CCDC57: variants seen among roughly 807,000 people sequenced by gnomAD.
The protein encoded by CCDC57 is coiled-coil domain-containing protein 57.
Under a neutral mutation model 118.9 loss-of-function variants are expected in CCDC57, and 118 were observed. The ratio of observed to expected loss-of-function variants is 0.99; its 90% CI spans 0.86 to 1.16. The LOEUF (loss-of-function observed/expected upper bound fraction) is 1.16. Among genes scored for constraint, CCDC57 ranks in the 50% most tolerant of loss-of-function variants. The pLI, the probability that CCDC57 is intolerant of heterozygous loss-of-function variation, is 0.00. For synonymous variants in CCDC57, 527 were observed against 532.9 expected (o/e 0.99, Z 0.15); for missense variants, 1,300 against 1,320.7 (o/e 0.98, Z 0.24).
intron 3 of CCDC57, among the ~76,000 whole-genome samples, chr17:82,199,675 C>T (rs1417694012): frequency 2.0e-5 from 3 of 152,178 alleles, no homozygotes; most frequent in East Asian, 3.9e-4. Context: ...AAGTGGGCCT[C>T]AGCTGTCCAA....
chr17:82,111,334 C>CTCG (rs2035226479), intron 19 of CCDC57, among the ~76,000 whole-genome samples: 1 of 36 alleles, frequency 0.028, no homozygotes, highest in Non-Finnish European at 0.071. Context: ...ATCTCCTGAC[C>CTCG]CTCGTGATCC....
chr17:82,151,602 C>T (rs150950429), exon 16 of CCDC57: 32 of 1,550,376 alleles, frequency 2.1e-5, no homozygotes, highest in East Asian at 4.9e-5. Context: ...TTCCCCATCT[C>T]GATGAGCTGC....
chr17:82,190,592 G>C (rs2047545898), intron 7 of CCDC57, among the ~76,000 whole-genome samples: 1 of 151,730 alleles, frequency 6.6e-6, no homozygotes, highest in African/African-American at 2.4e-5. Context: ...CTACTTGGGA[G>C]GCTGAGGCAT....
At chr17:82,153,579 T>TGAACGATTCTACTTCTCTC (rs1173955291) in intron 15 of CCDC57, 1 of 152,086 alleles carries the variant, frequency 6.6e-6, no homozygotes, top group East Asian at 1.9e-4. Flanking sequence ...GGGCAGGGAG[T>TGAACGATTCTACTTCTCTC]GAACGATTCT....
At chr17:82,134,434 C>T (rs2038868926) in intron 16 of CCDC57, 3 of 363,970 alleles carry the variant, frequency 8.2e-6, no homozygotes, top group Admixed American at 4.7e-5. Flanking sequence ...GTCCTCACAG[C>T]GGGGGCAGCA....
intron 11 of CCDC57, among the ~76,000 whole-genome samples, chr17:82,174,306 A>G (rs1327307055): frequency 1.3e-5 from 2 of 152,232 alleles, no homozygotes; most frequent in African/African-American, 2.4e-5. Context: ...GGTGGAGAGG[A>G]TGCGAACAGA....
At chr17:82,158,010 T>C in intron 14 of CCDC57, 62 bp from the exon 14 acceptor site, 1 of 1,509,726 alleles carries the variant, frequency 6.6e-7, no homozygotes, top group African/African-American at 1.4e-5. Context: ...AGCAGGCCCC[T>C]GGGCACTGAC....
intron 19 of CCDC57, among the ~76,000 whole-genome samples, chr17:82,122,666 T>G (rs1224544343): frequency 1.3e-5 from 2 of 152,188 alleles, no homozygotes; most frequent in African/African-American, 2.4e-5. Flanking sequence ...GCTGGGCAAG[T>G]GCACAGCACT....
chr17:82,188,108 C>CT lies in CCDC57; in HGVS notation c.1052+110dup, dbSNP rs896186134. The stretch of plus-strand genomic sequence containing the variant: ...GTGACTGAGAGCTACAGAAGCCACT[C>CT]TGTCTGCTGCCTGGCCCCCTTTCCT... On this transcript the variant is annotated intron_variant, in intron 8 of 19. Coordinates refer to ENST00000665763, the Ensembl canonical transcript of CCDC57. 2.5e-5 allele frequency: 21 copies of CT among 845,706 alleles called. No individual in the cohort carries two copies. The African/African-American group carries it at 3.7e-4, about 15-fold the overall frequency. 52.4% of individuals were successfully genotyped at this position (845,706 alleles called of 1,614,324 possible).
intron 19 of CCDC57, among the ~76,000 whole-genome samples, chr17:82,102,972 A>G (rs2034568468): frequency 6.6e-6 from 1 of 151,966 alleles, no homozygotes; most frequent in Admixed American, 6.5e-5. Context: ...GGTGAGGTCT[A>G]GAGGACTCCA....
chr17:82,125,225 C>T (rs1423223936), intron 19 of CCDC57, among the ~76,000 whole-genome samples: 3 of 152,076 alleles, frequency 2.0e-5, no homozygotes, highest in Admixed American at 1.3e-4. Context: ...CAGACTCAGA[C>T]AAGCCAAGTC....
chr17:82,161,898 G>A (rs1457043823), intron 14 of CCDC57, among the ~76,000 whole-genome samples: 1 of 152,040 alleles, frequency 6.6e-6, no homozygotes, highest in Admixed American at 6.5e-5. Context: ...TAGTGAGAAT[G>A]TTTATACGAC....
At position 82,126,616 on chromosome 17, in the gene CCDC57, G is replaced by A. The variant is rs1383853892; in HGVS notation, c.2899+1076C>T. The A allele has an allele frequency of 5.1e-6, 5 of 985,290 alleles. No homozygotes were observed. In the African/African-American group the frequency reaches 8.7e-5, roughly 17 times the overall value. The allele number at this position is 985,290 out of a possible 1,614,324, so 61.0% of individuals were successfully genotyped here. A position where few individuals can be genotyped will look rare whatever the true frequency, so the allele number is the denominator to read the frequency against. Reference sequence around the variant, plus strand: ...CTGCCACCGGCAAAAGTTCCGTGTGGCTACAGGACTCTCAGACACTGCTGC... The same window carrying A: ...CTGCCACCGGCAAAAGTTCCGTGTGACTACAGGACTCTCAGACACTGCTGC... On this transcript the variant is annotated intron_variant, in intron 19 of 19. Coordinates refer to ENST00000665763, the Ensembl canonical transcript of CCDC57.
chr17:82,189,844 T>C (rs2047436574), intron 7 of CCDC57, among the ~76,000 whole-genome samples: 1 of 151,946 alleles, frequency 6.6e-6, no homozygotes. Context: ...AAACTGTCTC[T>C]ACTAAAAATA....
intron 10 of CCDC57, 54 bp downstream of exon 9, chr17:82,178,958 ACCCGTCCTGCCCAGC>A: frequency 6.6e-7 from 1 of 1,520,334 alleles, no homozygotes; most frequent in South Asian, 1.2e-5. Flanking sequence ...TAAGAACCAG[ACCCGTCCTGCCCAGC>A]CCCACCTCTG....
intron 11 of CCDC57, among the ~76,000 whole-genome samples, chr17:82,176,099 C>T (rs1301350839): frequency 1.3e-5 from 2 of 152,164 alleles, no homozygotes; most frequent in East Asian, 3.8e-4. Context: ...GAGTCTAAAA[C>T]CCCTCATGAC....
intron 17 of CCDC57, among the ~76,000 whole-genome samples, chr17:82,133,228 A>C (rs1305829619): frequency 6.6e-6 from 1 of 151,950 alleles, no homozygotes; most frequent in Non-Finnish European, 1.5e-5. Flanking sequence ...AAAATTAGCC[A>C]TTAGGCATGG....
intron 11 of CCDC57, among the ~76,000 whole-genome samples, chr17:82,177,554 A>C (rs2045688057): frequency 6.6e-6 from 1 of 152,208 alleles, no homozygotes; most frequent in Non-Finnish European, 1.5e-5. Context: ...ACCGTGTCTC[A>C]AAATAAATAA....
exon 10 of CCDC57, chr17:82,179,083 C>T: frequency 1.9e-6 from 3 of 1,614,016 alleles, no homozygotes; most frequent in Non-Finnish European, 2.5e-6. Flanking sequence ...TGGATCTGGT[C>T]CCTTTCAATG....
Sources: gnomAD v4.1 joint callset for allele counts (sites outside exome capture counted in the v4.1 genomes callset) on GRCh38, gnomAD v4.1.1 for gene constraint, MANE v1.5 for transcripts, NCBI Gene and HGNC (gene_info 2026-07-23, HGNC 2026-07-21) for gene names.